The following ATG5 variants were observed in gnomAD, a reference collection of about 807,000 sequenced individuals.
The protein encoded by ATG5 is autophagy protein 5.
Under a neutral mutation model 36.5 loss-of-function variants are expected in ATG5, and 14 were observed. That is an observed-to-expected ratio of 0.38 (90% CI 0.25 to 0.60). ATG5 has a LOEUF of 0.60. Ranked by LOEUF, ATG5 falls within the 20% of genes least tolerant of loss-of-function variation. The pLI, the probability that ATG5 is intolerant of heterozygous loss-of-function variation, is 0.60. For missense variants in ATG5, 195 were observed against 326.7 expected, an observed-to-expected ratio of 0.60 and a Z score of 3.11; for synonymous variants, 95 against 101.5, an observed-to-expected ratio of 0.94 and a Z score of 0.38.
At chr6:106,204,500 G>A (rs1776556917) in intron 6 of ATG5, among the ~76,000 whole-genome samples, 2 of 151,892 alleles carry the variant, frequency 1.3e-5, no homozygotes, top group Admixed American at 6.6e-5. Flanking sequence ...ATATGTTTTG[G>A]CTCTGTGTTT....
chr6:106,308,515 G>GT, intron 2 of ATG5, 24 bp from the exon 3 acceptor site: 1 of 1,494,538 alleles, frequency 6.7e-7, no homozygotes, highest in Non-Finnish European at 9.0e-7. Context: ...TTGTAAAACC[G>GT]TATTTATTTA....
intron 6 of ATG5, among the ~76,000 whole-genome samples, chr6:106,212,612 C>T (rs561842519): frequency 6.6e-6 from 1 of 152,210 alleles, no homozygotes; most frequent in African/African-American, 2.4e-5. Context: ...GCACTCCAGC[C>T]TGGGCGAGAG....
intron 3 of ATG5, among the ~76,000 whole-genome samples, chr6:106,302,067 G>A (rs1049832173): frequency 1.3e-5 from 2 of 152,006 alleles, no homozygotes; most frequent in Non-Finnish European, 2.9e-5. Context: ...CACACGTAGT[G>A]TAGAGATGGC....
At chr6:106,243,976 A>G (rs1778234337) in intron 6 of ATG5, among the ~76,000 whole-genome samples, 1 of 117,808 alleles carries the variant, frequency 8.5e-6, no homozygotes, top group South Asian at 2.9e-4. Flanking sequence ...GTGTAGTGGC[A>G]TGATCATGGC....
chr6:106,296,735 T>G (rs553126091), intron 3 of ATG5, among the ~76,000 whole-genome samples: 1 of 152,188 alleles, frequency 6.6e-6, no homozygotes, highest in Non-Finnish European at 1.5e-5. Flanking sequence ...GGTGAATTAC[T>G]TGAACCTGGG....
chr6:106,190,892 A>G (rs1775943620), intron 7 of ATG5, among the ~76,000 whole-genome samples: 1 of 152,188 alleles, frequency 6.6e-6, no homozygotes, highest in East Asian at 1.9e-4. Flanking sequence ...ATCAATATAC[A>G]ATAATATAAA....
chr6:106,239,571 G>A (rs748771480), intron 6 of ATG5, among the ~76,000 whole-genome samples: 4 of 152,090 alleles, frequency 2.6e-5, no homozygotes, highest in South Asian at 2.1e-4. Context: ...ATATCAGAAC[G>A]CTAAAATTAA....
At chr6:106,277,499 A>G (rs1779704543) in intron 5 of ATG5, among the ~76,000 whole-genome samples, 1 of 152,240 alleles carries the variant, frequency 6.6e-6, no homozygotes, top group Non-Finnish European at 1.5e-5. Flanking sequence ...AAAACATTAA[A>G]AACTCTTACC....
intron 7 of ATG5, among the ~76,000 whole-genome samples, chr6:106,197,945 A>C (rs1046981155): frequency 2.0e-5 from 3 of 152,246 alleles, no homozygotes; most frequent in Non-Finnish European, 4.4e-5. Flanking sequence ...ACTGAAAGCC[A>C]GTGCTGCCAC....
chr6:106,219,128 A>G (rs1777149175), intron 6 of ATG5, among the ~76,000 whole-genome samples: 1 of 152,188 alleles, frequency 6.6e-6, no homozygotes, highest in South Asian at 2.1e-4. Context: ...TTTTATAACT[A>G]TGAAATAATC....
chr6:106,251,049 A>G (rs773668973), intron 5 of ATG5, among the ~76,000 whole-genome samples: 3 of 152,252 alleles, frequency 2.0e-5, no homozygotes, highest in Non-Finnish European at 2.9e-5. Context: ...CCCTCAAGAC[A>G]GAATCTAGCA....
chr6:106,315,859 G>A (rs746978531), intron 2 of ATG5, among the ~76,000 whole-genome samples: 6 of 152,234 alleles, frequency 3.9e-5, no homozygotes, highest in Middle Eastern at 3.4e-3. Flanking sequence ...CCACATACAT[G>A]TAAGGAAAAC....
At chr6:106,272,288 T>C (rs1456249621) in intron 5 of ATG5, among the ~76,000 whole-genome samples, 1 of 152,190 alleles carries the variant, frequency 6.6e-6, no homozygotes, top group Non-Finnish European at 1.5e-5. Flanking sequence ...CTGTTATAGG[T>C]CTGCTTAAAA....
intron 5 of ATG5, among the ~76,000 whole-genome samples, chr6:106,249,626 G>A (rs2114517874): frequency 6.6e-6 from 1 of 152,246 alleles, no homozygotes; most frequent in South Asian, 2.1e-4. Flanking sequence ...AGAACTACTG[G>A]GTCATTAGGT....
At chr6:106,194,171 A>T (rs1413514668) in intron 7 of ATG5, among the ~76,000 whole-genome samples, 1 of 152,234 alleles carries the variant, frequency 6.6e-6, no homozygotes, top group African/African-American at 2.4e-5. Flanking sequence ...ATGAATATCT[A>T]AAGAATTACT....
chr6:106,214,395 T>C lies in ATG5; in HGVS notation c.574-12306A>G, dbSNP rs191720608. Among the ~76,000 whole-genome samples, 6 of 152,140 alleles carry C rather than the reference T, an allele frequency of 3.9e-5. No individual in the cohort carries two copies. The East Asian group carries it at 1.2e-3, about 29-fold the overall frequency. ...TGTAGAGAAATAGGAGAGTTGAAAA[T>C]AAGCACTTTCTGTACTTATGTTGAG... On this transcript the variant is annotated intron_variant, in intron 6 of 7. Coordinates refer to ENST00000369076, the MANE Select transcript of ATG5 (RefSeq NM_004849.4).
At chr6:106,189,661 AT>A (rs1015852456) in intron 7 of ATG5, among the ~76,000 whole-genome samples, 1 of 151,346 alleles carries the variant, frequency 6.6e-6, no homozygotes, top group Non-Finnish European at 1.5e-5. Flanking sequence ...AAAAAAAAAA[AT>A]CAGTAGATGT....
intron 3 of ATG5, among the ~76,000 whole-genome samples, chr6:106,296,497 A>G (rs1769945604): frequency 1.3e-5 from 2 of 152,218 alleles, no homozygotes; most frequent in East Asian, 1.9e-4. Flanking sequence ...TGCCTAAAGT[A>G]TTGAAACATC....
chr6:106,265,385 C>T (rs77414362), intron 5 of ATG5, among the ~76,000 whole-genome samples: 1 of 152,140 alleles, frequency 6.6e-6, no homozygotes. Context: ...GAGACTTGAA[C>T]TCCCACACAA....
Sources: gnomAD v4.1 joint callset for allele counts (sites outside exome capture counted in the v4.1 genomes callset) on GRCh38, gnomAD v4.1.1 for gene constraint, MANE v1.5 for transcripts, NCBI Gene and HGNC (gene_info 2026-07-23, HGNC 2026-07-21) for gene names.